Variants in TNFRSF8 observed in about 807,000 individuals in gnomAD.
TNFRSF8 encodes the protein TNF receptor superfamily member 8.
Under a neutral mutation model 70.8 loss-of-function variants are expected in TNFRSF8, and 26 were observed. The ratio of observed to expected loss-of-function variants is 0.37; its 90% CI spans 0.27 to 0.51. The LOEUF is 0.51. Ranked by LOEUF, TNFRSF8 falls within the 20% of genes least tolerant of loss-of-function variation. TNFRSF8 has a pLI of 0.94. For missense variants in TNFRSF8, 720 were observed against 807.9 expected (o/e 0.89, Z 1.32); for synonymous variants, 356 against 339.2 (o/e 1.05, Z -0.54).
At chr1:12,134,674 A>G (rs1454307491) in intron 12 of TNFRSF8, among the ~76,000 whole-genome samples, 1 of 152,224 alleles carries the variant, frequency 6.6e-6, no homozygotes, top group African/African-American at 2.4e-5. Flanking sequence ...TTCAGGCACA[A>G]GAAAGAGAAA....
intron 4 of TNFRSF8, among the ~76,000 whole-genome samples, chr1:12,104,981 C>T (rs11569856): frequency 7.6e-4 from 115 of 152,242 alleles, no homozygotes; most frequent in Admixed American, 1.2e-3. Flanking sequence ...TCCAACTTAT[C>T]GTGTGACCTC....
intron 10 of TNFRSF8, 105 bp from the exon 11 acceptor site, chr1:12,125,846 C>T (rs1022901974): frequency 2.3e-6 from 2 of 885,724 alleles, no homozygotes; most frequent in Non-Finnish European, 3.9e-6. Flanking sequence ...TGTTGTTAGC[C>T]ATGATGGAAG....
rs995215639 is a variant in TNFRSF8, at chr1:12,109,245, C to G, written c.422-321C>G. On this transcript the variant is annotated intron_variant, in intron 4 of 14. Transcript: ENST00000263932. This position sits in a 1 kb window ranked among gnomAD's most constrained non-coding sequence, Gnocchi z 4.4. ...CACAGGCTTGGGTCACATGTCCGTCCCTGAACTGGCTCATCGTGGCCAGAG... is the reference window on the plus strand; with the variant it reads ...CACAGGCTTGGGTCACATGTCCGTCGCTGAACTGGCTCATCGTGGCCAGAG... Among the ~76,000 whole-genome samples the G allele has an allele frequency of 6.6e-6, 1 of 152,192 alleles. No individual in the cohort carries two copies.
At chr1:12,096,987 C>T (rs551599170) in intron 2 of TNFRSF8, 114 bp from the exon 3 acceptor site, 12 of 731,068 alleles carry the variant, frequency 1.6e-5, no homozygotes, top group South Asian at 3.5e-5. Flanking sequence ...TGACAGTTTT[C>T]GGGGGTTGGA....
chr1:12,097,020 G>A (rs1375068634), intron 2 of TNFRSF8, 81 bp from the exon 3 acceptor site: 2 of 1,049,584 alleles, frequency 1.9e-6, no homozygotes, highest in Non-Finnish European at 2.9e-6. Context: ...AGGGGCGTCA[G>A]GGATGAGAGG....
chr1:12,098,425 A>G (rs1570022572), intron 3 of TNFRSF8, among the ~76,000 whole-genome samples: 3 of 152,338 alleles, frequency 2.0e-5, no homozygotes, highest in Admixed American at 2.0e-4. Flanking sequence ...CCATCTATAG[A>G]TAACTACTAT....
At chr1:12,083,417 G>C (rs1641099547) in intron 1 of TNFRSF8, among the ~76,000 whole-genome samples, 1 of 152,228 alleles carries the variant, frequency 6.6e-6, no homozygotes, top group Non-Finnish European at 1.5e-5. Flanking sequence ...GGCCCGGAGT[G>C]GTGGCTCATA....
At chr1:12,106,735 G>A (rs1557590781) in intron 4 of TNFRSF8, among the ~76,000 whole-genome samples, 1 of 152,054 alleles carries the variant, frequency 6.6e-6, no homozygotes, top group Non-Finnish European at 1.5e-5. Flanking sequence ...GCAGGGGAGA[G>A]TGCTGGAGTG....
chr1:12,126,782 C>T (rs1181564818), intron 12 of TNFRSF8, among the ~76,000 whole-genome samples: 2 of 152,226 alleles, frequency 1.3e-5, no homozygotes, highest in South Asian at 2.1e-4. Context: ...TTTCCTCATC[C>T]GGAAAATGCA....
rs11569877 is a variant in TNFRSF8 at position 12,110,826 on chromosome 1, G to A, written c.676+622G>A. On this transcript the variant is annotated intron_variant, in intron 6 of 14. Transcript: ENST00000263932. The surrounding 1 kb of genome is among the most constrained non-coding windows in gnomAD (Gnocchi z 4.0). Reference sequence around the variant, plus strand: ...TTGGTCAGGCTGGTCTCGAACTCCCGACCTCAGGTGATCCGCCCACCTCGG... The same window carrying A: ...TTGGTCAGGCTGGTCTCGAACTCCCAACCTCAGGTGATCCGCCCACCTCGG... Among the ~76,000 whole-genome samples, 592 of 151,306 alleles carry A rather than the reference G, an allele frequency of 3.9e-3. 4 individuals are homozygous for A. Among genetic ancestry groups the A allele is most frequent in the African/African-American group, 0.014 (561 of 41,082 alleles).
At chr1:12,129,711 C>T (rs188632234) in intron 12 of TNFRSF8, among the ~76,000 whole-genome samples, 6 of 152,292 alleles carry the variant, frequency 3.9e-5, no homozygotes, top group Admixed American at 3.9e-4. Context: ...TCTTCTCTCT[C>T]AGGGCGTCCT....
chr1:12,105,629 C>A (rs1641508769), intron 4 of TNFRSF8, among the ~76,000 whole-genome samples: 1 of 150,964 alleles, frequency 6.6e-6, no homozygotes, highest in Non-Finnish European at 1.5e-5. Flanking sequence ...TCAGTATCTT[C>A]CTGTTACTCT....
intron 1 of TNFRSF8, among the ~76,000 whole-genome samples, chr1:12,064,233 T>C (rs1161315570): frequency 1.3e-5 from 2 of 152,154 alleles, no homozygotes; most frequent in South Asian, 2.1e-4. Context: ...CGCTGTGGAT[T>C]GAATTCGCTG....
chr1:12,102,312 T>C (rs1641439561), intron 3 of TNFRSF8, among the ~76,000 whole-genome samples: 1 of 152,206 alleles, frequency 6.6e-6, no homozygotes, highest in Non-Finnish European at 1.5e-5. Flanking sequence ...CTCTGTGGCA[T>C]GAGTGATGAG....
At chr1:12,114,694 CTTT>C (rs542462017) in intron 7 of TNFRSF8, among the ~76,000 whole-genome samples, 32 of 77,046 alleles carry the variant, frequency 4.2e-4, no homozygotes, top group African/African-American at 1.7e-3. Flanking sequence ...GAAAAAAAAT[CTTT>C]TTTTTTTTTT....
chr1:12,138,350 A>G lies in TNFRSF8; in HGVS notation c.1457A>G (p.Gln486Arg). The G allele has an allele frequency of 6.2e-7, 1 of 1,613,802 alleles. No homozygotes were observed. The highest frequency in any genetic ancestry group is 1.7e-5 in the Admixed American group (1 of 60,014). The change falls in exon 14 of 15, where the codon CAG (glutamine) becomes CGG (arginine). Residue 486 changes from glutamine (Q) to arginine (R), a missense_variant. By Grantham distance (43) the Gln-to-Arg change is conservative. Coordinates refer to ENST00000263932, the MANE Select transcript of TNFRSF8 (RefSeq NM_001243.5). This position sits in a 1 kb window ranked among gnomAD's most constrained non-coding sequence, Gnocchi z 5.7. ...GCCTACCTGGAGAGCCTGCCGCTGC[A>G]GGATGCCAGCCCGGCCGGGGGCCCC... ...GAAYLESLPL[Q>R]DASPAGGPSS...
At chr1:12,136,191 G>A (rs1448925195) in intron 13 of TNFRSF8, among the ~76,000 whole-genome samples, 1 of 151,806 alleles carries the variant, frequency 6.6e-6, no homozygotes, top group Non-Finnish European at 1.5e-5. Flanking sequence ...CATAATGCTA[G>A]TTCAGTTTCA....
Position 12,111,924 on chromosome 1 carries a change from G to T in TNFRSF8, c.703G>T (p.Glu235Ter). The T allele has an allele frequency of 1.2e-6, 2 of 1,614,238 alleles. No homozygotes were observed. Among genetic ancestry groups the T allele is most frequent in the Non-Finnish European group, 1.7e-6 (2 of 1,180,034 alleles). The part of the protein sequence containing the change: ...PGLSPTQPCP[E>*]GSGDCRKQCE... ...TCTGTCCCCAACACAGCCATGCCCAGAGGGGTCTGGTGATTGCAGAAAGCA... is the reference window on the plus strand; with the variant it reads ...TCTGTCCCCAACACAGCCATGCCCATAGGGGTCTGGTGATTGCAGAAAGCA... The change falls in exon 7 of 15, where the codon GAG becomes TAG. Residue 235 changes from glutamate to a stop codon, truncating the protein, a stop_gained. Coordinates refer to ENST00000263932, the MANE Select transcript of TNFRSF8 (RefSeq NM_001243.5). LOFTEE classifies it high-confidence loss of function.
At position 12,084,549 on chromosome 1, in the gene TNFRSF8, T is replaced by C. The variant is rs1280000287; in HGVS notation, c.149T>C (p.Met50Thr). Reference protein sequence around the residue: ...AVRRCCYRCPMGLFPTQQCPQ... With the variant: ...AVRRCCYRCPTGLFPTQQCPQ... ...AGGAGGTGCTGTTACCGCTGCCCCATGGGTGAGTGGGGGCGTTGGGGGTGG... is the reference window on the plus strand; with the variant it reads ...AGGAGGTGCTGTTACCGCTGCCCCACGGGTGAGTGGGGGCGTTGGGGGTGG... The change falls in exon 2 of 15, where the codon ATG becomes ACG. Residue 50 changes from methionine (M) to threonine (T), a missense_variant and splice_region_variant. Transcript: ENST00000263932. The C allele has an allele frequency of 2.6e-6, 4 of 1,567,758 alleles. No homozygotes were observed. The highest frequency in any genetic ancestry group is 3.4e-5 in the Admixed American group (2 of 58,504).
Sources: allele counts gnomAD v4.1 joint callset (sites outside exome capture counted in the v4.1 genomes callset), GRCh38; gene constraint gnomAD v4.1.1; non-coding constraint Gnocchi (gnomAD v3.1); transcripts MANE v1.5; gene names NCBI Gene and HGNC (gene_info 2026-07-23, HGNC 2026-07-21).